The following TMCC2 variants were observed in gnomAD, a reference collection of about 807,000 sequenced individuals.
The protein encoded by TMCC2 is transmembrane and coiled-coil domains protein 2.
In TMCC2, 16 loss-of-function variants were observed where a neutral mutation model predicts 49.4. That is an observed-to-expected ratio of 0.32 (90% CI 0.22 to 0.49). The LOEUF is 0.49. TMCC2 is among the 20% of genes least tolerant of loss of function. The pLI is 0.99. For missense variants in TMCC2, 762 were observed against 989.8 expected (o/e 0.77, Z 3.09); for synonymous variants, 397 against 434.1 (o/e 0.91, Z 1.06).
In TMCC2 at chr1:205,269,631, G is replaced by C; in HGVS notation, c.1429G>C (p.Asp477His). 6.2e-7 allele frequency: 1 copy of C among 1,613,692 alleles called. No individual in the cohort carries two copies. The highest frequency in any genetic ancestry group is 8.5e-7 in the Non-Finnish European group (1 of 1,179,944). The change falls in exon 3 of 5, where the codon GAT (aspartate) becomes CAT (histidine). Residue 477 changes from aspartate (D) to histidine (H), a missense_variant. Physicochemically the swap from Asp to His is moderately conservative, Grantham distance 81. Around this residue, in one of 2 missense-constraint regions of TMCC2, gnomAD observed 440 missense variants for 636.7 expected, o/e 0.69. Coordinates refer to ENST00000358024, the MANE Select transcript of TMCC2 (RefSeq NM_014858.4). ...CTCCAGCCCCAAGTATGGCAGCGAT[G>C]ATGAGTGCTCCAGCGCCAGCGCCAG... is the stretch of plus-strand genomic sequence containing the variant. Reference protein sequence around the residue: ...LVSSPKYGSDDECSSASASSA... With the variant: ...LVSSPKYGSDHECSSASASSA...
intron 2 of TMCC2, among the ~76,000 whole-genome samples, chr1:205,260,014 T>C (rs566437976): frequency 1.3e-5 from 2 of 152,252 alleles, no homozygotes; most frequent in Admixed American, 1.3e-4. Context: ...TAGAGCAAGA[T>C]GTAAGGCCCT....
intron 2 of TMCC2, among the ~76,000 whole-genome samples, chr1:205,255,510 G>A (rs767474542): frequency 5.3e-5 from 8 of 152,140 alleles, no homozygotes; most frequent in Non-Finnish European, 8.8e-5. Context: ...AGCCAAGATC[G>A]CGTCAATGCA....
rs549934527 is a variant in TMCC2, at chr1:205,270,347, A to G, written c.1682+463A>G. Among the ~76,000 whole-genome samples, 107 of 152,250 alleles carry G rather than the reference A, an allele frequency of 7.0e-4. No homozygotes were observed. In the South Asian group the frequency reaches 7.1e-3, roughly 10 times the overall value. ...AAGATACAATGAGTCCAGACCTGTA[A>G]AGTCGAAGCATGTGAATGGATGTAT... On this transcript the variant is annotated intron_variant, in intron 3 of 4. Coordinates refer to ENST00000358024, the MANE Select transcript of TMCC2 (RefSeq NM_014858.4).
chr1:205,270,464 C>A (rs1252262930), intron 3 of TMCC2, among the ~76,000 whole-genome samples: 1 of 152,220 alleles, frequency 6.6e-6, no homozygotes, highest in Non-Finnish European at 1.5e-5. Flanking sequence ...TGTCTCCCTC[C>A]GGTCCTGTGC....
chr1:205,231,379 C>G (rs564352343), intron 1 of TMCC2, among the ~76,000 whole-genome samples: 1 of 152,280 alleles, frequency 6.6e-6, no homozygotes, highest in South Asian at 2.1e-4. Flanking sequence ...TCACTGCAGT[C>G]TCAAACTCCC....
At chr1:205,256,470 C>T in intron 2 of TMCC2, 1 of 1,519,624 alleles carries the variant, frequency 6.6e-7, no homozygotes, top group Non-Finnish European at 8.9e-7. Context: ...GCAATGCTGG[C>T]AGAGACTGGG....
chr1:205,228,780 A>G lies in TMCC2; in HGVS notation c.207+9A>G. The G allele has an allele frequency of 1.3e-6, 2 of 1,588,512 alleles. No individual in the cohort carries two copies. Among genetic ancestry groups the G allele is most frequent in the Admixed American group, 1.8e-5 (1 of 56,744 alleles). On this transcript the variant is annotated intron_variant, in intron 1 of 4. Coordinates refer to ENST00000358024, the MANE Select transcript of TMCC2 (RefSeq NM_014858.4). ...AGCCTCCTGATTTAAAGGTGAGCGCAGACCATCCCCCCGGCAAGCCCAGCC... is the reference window on the plus strand; with the variant it reads ...AGCCTCCTGATTTAAAGGTGAGCGCGGACCATCCCCCCGGCAAGCCCAGCC...
chr1:205,269,129 T>C lies in TMCC2; in HGVS notation c.927T>C (p.Ala309=). ...ITEQIKIEQE[A]RDDNVAEYLK... ...AGCAGATCAAGATTGAGCAGGAGGC[T>C]CGCGACGACAATGTGGCAGAGTATC... is the stretch of plus-strand genomic sequence containing the variant. The change falls in exon 3 of 5, where the codon GCT becomes GCC. Residue 309 remains alanine (A), a synonymous_variant. Transcript: ENST00000358024. The C allele has an allele frequency of 6.2e-7, 1 of 1,614,078 alleles. No homozygotes were observed.
Position 205,271,949 on chromosome 1 carries a change from C to T in TMCC2, c.1955C>T (p.Ala652Val), listed in dbSNP as rs1162255315. 5.6e-6 allele frequency: 9 copies of T among 1,614,204 alleles called. No homozygotes were observed. The highest frequency in any genetic ancestry group is 7.6e-6 in the Non-Finnish European group (9 of 1,180,028). Reference sequence around the variant, plus strand: ...GGCAAGTTCATCAACGTGATCCTGGCGCTCATGGCCGTGCTGCTGGTGTTC... The same window carrying T: ...GGCAAGTTCATCAACGTGATCCTGGTGCTCATGGCCGTGCTGCTGGTGTTC... ...LLGKFINVIL[A>V]LMAVLLVFVS... The change falls in exon 5 of 5, where the codon GCG becomes GTG. Residue 652 changes from alanine to valine, a missense_variant. Ala to Val is a moderately conservative substitution (Grantham distance 64, BLOSUM62 0). Around this residue, in one of 2 missense-constraint regions of TMCC2, gnomAD observed 440 missense variants for 636.7 expected, o/e 0.69. Coordinates refer to ENST00000358024, the MANE Select transcript of TMCC2 (RefSeq NM_014858.4).
Position 205,269,041 on chromosome 1 carries a change from C to T in TMCC2, c.839C>T (p.Pro280Leu), listed in dbSNP as rs372274523. ...PISLDVPDGA[P>L]DPQRTKAAID... ...AGCCTGGACGTGCCCGATGGGGCAC[C>T]GGACCCCCAGCGGACCAAGGCCGCC... Residue 280 changes from proline to leucine, a missense_variant, in exon 3 of 5, where the codon CCG (proline) becomes CTG (leucine). Around this residue, in one of 2 missense-constraint regions of TMCC2, gnomAD observed 440 missense variants for 636.7 expected, o/e 0.69. Coordinates refer to ENST00000358024, the MANE Select transcript of TMCC2 (RefSeq NM_014858.4). 2.7e-5 allele frequency: 44 copies of T among 1,613,488 alleles called. No individual in the cohort carries two copies. Among genetic ancestry groups the T allele is most frequent in the African/African-American group, 1.2e-4 (9 of 75,016 alleles).
intron 2 of TMCC2, among the ~76,000 whole-genome samples, chr1:205,244,187 T>C (rs994567283): frequency 6.6e-5 from 10 of 151,932 alleles, no homozygotes; most frequent in East Asian, 1.9e-4. Flanking sequence ...GGGTATCAGG[T>C]GGAGGCAGTC....
intron 1 of TMCC2, among the ~76,000 whole-genome samples, chr1:205,235,951 C>T (rs1660024462): frequency 1.3e-5 from 2 of 151,826 alleles, no homozygotes. Flanking sequence ...CCCGTATAGT[C>T]CTAGCTGCTC....
At chr1:205,243,428 G>C (rs894204260) in intron 2 of TMCC2, among the ~76,000 whole-genome samples, 2 of 152,164 alleles carry the variant, frequency 1.3e-5, no homozygotes, top group Non-Finnish European at 2.9e-5. Context: ...AGATTGGGAA[G>C]GGAGTGCAGG....
At chr1:205,239,785 A>G (rs534364306) in intron 1 of TMCC2, among the ~76,000 whole-genome samples, 7 of 152,306 alleles carry the variant, frequency 4.6e-5, no homozygotes, top group Non-Finnish European at 8.8e-5. Context: ...TGAAAATCCT[A>G]AAATTTTACA....
At chr1:205,256,290 T>C (rs1660867888) in intron 2 of TMCC2, 1 of 1,547,858 alleles carries the variant, frequency 6.5e-7, no homozygotes, top group East Asian at 2.4e-5. Flanking sequence ...AGGACTCAGC[T>C]GGCCAGCCGG....
intron 1 of TMCC2, among the ~76,000 whole-genome samples, chr1:205,230,751 G>C (rs111307224): frequency 6.6e-6 from 1 of 152,142 alleles, no homozygotes; most frequent in African/African-American, 2.4e-5. Flanking sequence ...GTCATGGCAT[G>C]GGGGCTGCAG....
In TMCC2 at chr1:205,237,947, G is replaced by T. The variant is rs551658437; in HGVS notation, c.208-3558G>T. Among the ~76,000 whole-genome samples the T allele has an allele frequency of 4.9e-4, 74 of 152,264 alleles. 1 individual carries two copies. Among genetic ancestry groups the T allele is most frequent in the Non-Finnish European group, 5.1e-4 (35 of 68,018 alleles). ...TACCTTATGGCCAGTTCTGGGGACG[G>T]CACTTCTTGCTTCGGTCTTACAGAT... On this transcript the variant is annotated intron_variant, in intron 1 of 4. Transcript: ENST00000358024.
chr1:205,248,232 C>A (rs1459853271), intron 2 of TMCC2, among the ~76,000 whole-genome samples: 1 of 152,092 alleles, frequency 6.6e-6, no homozygotes, highest in East Asian at 1.9e-4. Flanking sequence ...CATGGTGAGA[C>A]CCTGTCTCTA....
rs557306699 is a variant in TMCC2 at position 205,251,482 on chromosome 1, G to GCTAGTC, written c.747+9443_747+9444insCCTAGT. On this transcript the variant is annotated intron_variant, in intron 2 of 4. Transcript: ENST00000358024. The stretch of plus-strand genomic sequence containing the variant: ...CCCACCACTGGGACCCTAGAGCTGA[G>GCTAGTC]CTAGTGTCCATAGCTAGTGAATAAT... 1.2e-4 allele frequency among the ~76,000 whole-genome samples: 19 copies of GCTAGTC among 152,278 alleles called. No individual in the cohort carries two copies. The East Asian group carries it at 3.5e-3, about 28-fold the overall frequency.
Sources: gnomAD v4.1 joint callset for allele counts (sites outside exome capture counted in the v4.1 genomes callset) on GRCh38, gnomAD v4.1.1 for gene constraint, gnomAD v4.1.1 regional missense constraint, MANE v1.5 for transcripts, NCBI Gene and HGNC (gene_info 2026-07-23, HGNC 2026-07-21) for gene names.